The following CLEC3B variants were observed in gnomAD, a reference collection of about 807,000 sequenced individuals.
CLEC3B encodes the protein tetranectin.
In CLEC3B, 13 loss-of-function variants were observed where a neutral mutation model predicts 15.4. That is an observed-to-expected ratio of 0.84 (90% CI 0.55 to 1.34). The LOEUF (loss-of-function observed/expected upper bound fraction) is 1.34, where lower values mean the gene tolerates loss of function less well. CLEC3B is among the 40% of genes most tolerant of loss of function. CLEC3B has a pLI of 0.00. For missense variants in CLEC3B, 242 were observed against 268.6 expected, an observed-to-expected ratio of 0.90 and a Z score of 0.69; for synonymous variants, 112 against 114.7, an observed-to-expected ratio of 0.98 and a Z score of 0.15.
At chr3:45,031,516 C>G (rs1382869044) in intron 2 of CLEC3B, among the ~76,000 whole-genome samples, 1 of 152,230 alleles carries the variant, frequency 6.6e-6, no homozygotes, top group African/African-American at 2.4e-5. Flanking sequence ...CTCATACTCA[C>G]CTCGTTGGTT....
chr3:45,031,089 C>G (rs1016314052), intron 2 of CLEC3B, among the ~76,000 whole-genome samples, 164 bp downstream of exon 2: 6 of 152,252 alleles, frequency 3.9e-5, no homozygotes, highest in Non-Finnish European at 1.5e-5. Context: ...ACCTCTTTCT[C>G]TTGGGGAGAT....
In CLEC3B at chr3:45,031,332, T is replaced by G. The variant is rs150895975; in HGVS notation, c.208+407T>G. ...GCTGGCCTCTGCAGCCCCAGAGAGC[T>G]CCACACTCCTGTGTGTCAGCAGCTT... On this transcript the variant is annotated intron_variant, in intron 2 of 2. Coordinates refer to ENST00000296130, the MANE Select transcript of CLEC3B (RefSeq NM_003278.3). Among the ~76,000 whole-genome samples, 293 of 152,350 alleles carry G rather than the reference T, an allele frequency of 1.9e-3. 1 individual carries two copies. Among genetic ancestry groups the G allele is most frequent in the Middle Eastern group, 6.8e-3 (2 of 294 alleles).
chr3:45,030,739 A>G lies in CLEC3B; in HGVS notation c.110-88A>G, dbSNP rs1697542166. On this transcript the variant is annotated intron_variant, in intron 1 of 2. Transcript: ENST00000296130. ...TTCCCAAGATATCAAGGTTGAGGGG[A>G]GTCTTTTCCTCTCATCCCTCTGCAG... 9.6e-6 allele frequency: 8 copies of G among 829,490 alleles called. No homozygotes were observed. The South Asian group carries it at 1.3e-4, about 13-fold the overall frequency. 51.4% of individuals were successfully genotyped at this position (829,490 alleles called of 1,614,324 possible).
chr3:45,030,756 C>A, intron 1 of CLEC3B, 71 bp from the exon 2 acceptor site: 2 of 1,029,336 alleles, frequency 1.9e-6, no homozygotes, highest in Non-Finnish European at 2.9e-6. Flanking sequence ...TCCTCTCATC[C>A]CTCTGCAGCT....
At chr3:45,029,267 G>A (rs1187720525) in intron 1 of CLEC3B, among the ~76,000 whole-genome samples, 1 of 152,246 alleles carries the variant, frequency 6.6e-6, no homozygotes, top group African/African-American at 2.4e-5. Flanking sequence ...ACAAATTATA[G>A]AAAGGCATCT....
At chr3:45,029,321 G>C (rs906117593) in intron 1 of CLEC3B, among the ~76,000 whole-genome samples, 3 of 152,258 alleles carry the variant, frequency 2.0e-5, no homozygotes, top group African/African-American at 4.8e-5. Flanking sequence ...AGGCTTAGGA[G>C]ACAAATGGGC....
chr3:45,031,168 G>A (rs530997057), intron 2 of CLEC3B, among the ~76,000 whole-genome samples: 57 of 152,368 alleles, frequency 3.7e-4, no homozygotes, highest in African/African-American at 1.3e-3. Context: ...GCTGGGTGGT[G>A]TGGAAGTGGG....
At chr3:45,027,984 T>C (rs1697506037) in intron 1 of CLEC3B, among the ~76,000 whole-genome samples, 1 of 151,232 alleles carries the variant, frequency 6.6e-6, no homozygotes, top group African/African-American at 2.4e-5. Context: ...TCTCCAGCTG[T>C]CACACTTGAA....
At chr3:45,035,425 C>G in intron 2 of CLEC3B, 99 bp from the exon 3 acceptor site, 1 of 1,473,840 alleles carries the variant, frequency 6.8e-7, no homozygotes, top group Non-Finnish European at 9.1e-7. Context: ...ATGGGATAAA[C>G]GGGATGGGAT....
Position 45,035,810 on chromosome 3 carries a change from C to G in CLEC3B, c.495C>G (p.Pro165=). Residue 165 remains proline (P), a synonymous_variant, in exon 3 of 3, where the codon CCC becomes CCG. Coordinates refer to ENST00000296130, the MANE Select transcript of CLEC3B (RefSeq NM_003278.3). Reference sequence around the variant, plus strand: ...GGGAGACTGAGATCACCGCGCAACCCGATGGCGGCAAGACCGAGAACTGCG... The same window carrying G: ...GGGAGACTGAGATCACCGCGCAACCGGATGGCGGCAAGACCGAGAACTGCG... The part of the protein sequence containing the change: ...KNWETEITAQ[P]DGGKTENCAV... The G allele has an allele frequency of 1.9e-6, 3 of 1,613,462 alleles. No individual in the cohort carries two copies. Among genetic ancestry groups the G allele is most frequent in the Non-Finnish European group, 2.5e-6 (3 of 1,179,964 alleles).
chr3:45,033,979 A>G (rs149544728), intron 2 of CLEC3B, among the ~76,000 whole-genome samples: 2 of 151,942 alleles, frequency 1.3e-5, no homozygotes, highest in Non-Finnish European at 2.9e-5. Flanking sequence ...AGCTGACTTC[A>G]GGAGCCCTGA....
chr3:45,030,045 C>T (rs1393150732), intron 1 of CLEC3B: 7 of 509,210 alleles, frequency 1.4e-5, no homozygotes, highest in South Asian at 8.4e-5. Flanking sequence ...TGGGTTTCCT[C>T]ATGGTGAAAT....
Position 45,035,718 on chromosome 3 carries a change from C to T in CLEC3B, c.403C>T (p.Leu135Phe), listed in dbSNP as rs768717333. The change falls in exon 3 of 3, where the codon CTC becomes TTC. Residue 135 changes from leucine to phenylalanine, a missense_variant. Leu to Phe is a conservative substitution (Grantham distance 22). Coordinates refer to ENST00000296130, the MANE Select transcript of CLEC3B (RefSeq NM_003278.3). ...VGNEAEIWLGLNDMAAEGTWV... is the reference protein window; with the variant it reads ...VGNEAEIWLGFNDMAAEGTWV... ...CAACGAGGCCGAGATCTGGCTGGGC[C>T]TCAACGACATGGCGGCCGAGGGCAC... The T allele has an allele frequency of 1.4e-5, 23 of 1,613,840 alleles. No homozygotes were observed. The South Asian group carries it at 2.4e-4, about 17-fold the overall frequency.
intron 2 of CLEC3B, among the ~76,000 whole-genome samples, chr3:45,031,424 G>A (rs937881666): frequency 2.0e-5 from 3 of 152,180 alleles, no homozygotes; most frequent in African/African-American, 4.8e-5. Context: ...TTTTAAAGAT[G>A]AGCTGTCAGC....
intron 2 of CLEC3B, among the ~76,000 whole-genome samples, chr3:45,031,440 G>A (rs1179859124): frequency 6.6e-6 from 1 of 152,230 alleles, no homozygotes; most frequent in African/African-American, 2.4e-5. Flanking sequence ...TCAGCTCCAT[G>A]AAATGTCAGC....
intron 1 of CLEC3B, among the ~76,000 whole-genome samples, chr3:45,029,934 G>A (rs1404111972): frequency 2.0e-5 from 3 of 152,228 alleles, no homozygotes; most frequent in Non-Finnish European, 2.9e-5. Flanking sequence ...CCATGGGGAA[G>A]GTGGGGAAGA....
At chr3:45,032,813 A>G (rs1048668280) in intron 2 of CLEC3B, among the ~76,000 whole-genome samples, 4 of 152,226 alleles carry the variant, frequency 2.6e-5, no homozygotes, top group Non-Finnish European at 4.4e-5. Flanking sequence ...GTAGGTAGTT[A>G]TAAGTTTTTG....
chr3:45,035,926 C>T lies in CLEC3B; in HGVS notation c.*2C>T, dbSNP rs1200166627. ...ATCTGCCAGTTCGGGATCGTGTAGC[C>T]GGCGGGGCGGGGGCCGTGGGGGGCC... On this transcript the variant is annotated 3_prime_UTR_variant, in exon 3 of 3. Transcript: ENST00000296130. The T allele has an allele frequency of 1.4e-6, 2 of 1,423,726 alleles. No individual in the cohort carries two copies. The highest frequency in any genetic ancestry group is 1.4e-5 in the African/African-American group (1 of 69,328). 88.2% of individuals were successfully genotyped at this position (1,423,726 alleles called of 1,614,324 possible).
At chr3:45,032,296 G>A (rs1318970886) in intron 2 of CLEC3B, among the ~76,000 whole-genome samples, 1 of 152,004 alleles carries the variant, frequency 6.6e-6, no homozygotes, top group Non-Finnish European at 1.5e-5. Context: ...CATTCACACT[G>A]CCATCCTTCT....
Sources: allele counts gnomAD v4.1 joint callset (sites outside exome capture counted in the v4.1 genomes callset), GRCh38; gene constraint gnomAD v4.1.1; transcripts MANE v1.5; gene names NCBI Gene and HGNC (gene_info 2026-07-23, HGNC 2026-07-21).